Variants in SLC14A2 observed in about 807,000 individuals in gnomAD.
SLC14A2 encodes the protein solute carrier family 14 member 2.
A neutral mutation model predicts 104.6 loss-of-function variants in SLC14A2; 91 were observed. The observed-to-expected ratio is 0.87, with a 90% CI of 0.73 to 1.04. SLC14A2 has a LOEUF of 1.04. Ranked by LOEUF, SLC14A2 falls within the 50% of genes least tolerant of loss-of-function variation. The pLI, the probability that SLC14A2 is intolerant of heterozygous loss-of-function variation, is 0.00. For missense variants in SLC14A2, 1,189 were observed against 1,156.0 expected (o/e 1.03, Z -0.41); for synonymous variants, 476 against 466.4 (o/e 1.02, Z -0.27).
At chr18:45,567,660 T>C (rs7242419) in intron 2 of SLC14A2, among the ~76,000 whole-genome samples, 6,123 of 152,192 alleles carry the variant, frequency 0.04, 448 homozygotes, top group African/African-American at 0.14. Flanking sequence ...CTCCTGGTCT[T>C]TAGCTGTCCT....
At chr18:45,678,179 A>G (rs1193698973) in intron 18 of SLC14A2, among the ~76,000 whole-genome samples, 1 of 152,128 alleles carries the variant, frequency 6.6e-6, no homozygotes, top group Non-Finnish European at 1.5e-5. Context: ...CCAAAACAAA[A>G]GGGGCTTCTC....
chr18:45,609,755 G>A (rs1270277488), intron 2 of SLC14A2, among the ~76,000 whole-genome samples: 1 of 152,162 alleles, frequency 6.6e-6, no homozygotes. Context: ...ATTTCCAAAA[G>A]TGATACACTT....
the SLC14A2 span, chr18:45,181,182 G>A: frequency 6.6e-6 from 1 of 152,366 alleles, no homozygotes; most frequent in African/African-American, 2.4e-5. Flanking sequence ...TCCTCCACAG[G>A]ACTTGCACAC....
intron 1 of SLC14A2, among the ~76,000 whole-genome samples, chr18:45,325,928 C>T (rs2085230086): frequency 6.6e-6 from 1 of 152,144 alleles, no homozygotes; most frequent in Non-Finnish European, 1.5e-5. Flanking sequence ...GGCATAAATA[C>T]TTTTTAGAGA....
At chr18:45,586,308 G>A (rs537801364) in intron 2 of SLC14A2, among the ~76,000 whole-genome samples, 58 of 152,288 alleles carry the variant, frequency 3.8e-4, no homozygotes, top group South Asian at 1.7e-3. Context: ...GCAGCAGTGC[G>A]CCTGCCTTGT....
intron 1 of SLC14A2, among the ~76,000 whole-genome samples, chr18:45,386,258 C>A (rs1016609196): frequency 6.6e-6 from 1 of 152,104 alleles, no homozygotes; most frequent in Admixed American, 6.5e-5. Flanking sequence ...GCTTTAAAAC[C>A]CAAACTGAAG....
chr18:45,595,662 A>G (rs530851391), intron 2 of SLC14A2, among the ~76,000 whole-genome samples: 46 of 152,118 alleles, frequency 3.0e-4, no homozygotes, highest in Non-Finnish European at 6.3e-4. Flanking sequence ...AACAGCAAAG[A>G]CTGTAATGCC....
intron 1 of SLC14A2, among the ~76,000 whole-genome samples, chr18:45,271,750 A>C (rs893312207): frequency 2.0e-5 from 3 of 152,186 alleles, no homozygotes; most frequent in African/African-American, 7.2e-5. Flanking sequence ...ATTCAATGCA[A>C]TCCCTATCAA....
chr18:45,477,840 A>G (rs11875765), intron 1 of SLC14A2, among the ~76,000 whole-genome samples: 7,368 of 152,018 alleles, frequency 0.048, 209 homozygotes, highest in African/African-American at 0.075. Flanking sequence ...ACCCCAACCA[A>G]CCTCGAGCAT....
chr18:45,288,845 G>A (rs2084841518), intron 1 of SLC14A2, among the ~76,000 whole-genome samples: 1 of 152,188 alleles, frequency 6.6e-6, no homozygotes, highest in Admixed American at 6.5e-5. Flanking sequence ...ATGGAGACAG[G>A]GCTAGAGGTG....
intron 2 of SLC14A2, among the ~76,000 whole-genome samples, chr18:45,540,882 GC>G (rs1273862002): frequency 6.6e-6 from 1 of 152,124 alleles, no homozygotes; most frequent in Non-Finnish European, 1.5e-5. Flanking sequence ...ATGAAGTCTT[GC>G]CCTCGCCCTT....
rs550158152 is a variant in SLC14A2, at chr18:45,682,709, T to A, written c.*190T>A. The A allele has an allele frequency of 1.7e-6, 1 of 594,400 alleles. No individual in the cohort carries two copies. Among genetic ancestry groups the A allele is most frequent in the East Asian group, 2.9e-5 (1 of 34,894 alleles). 36.8% of individuals were successfully genotyped at this position (594,400 alleles called of 1,614,324 possible). ...AGATGCACAACACTTATCAAAGATA[T>A]GTTTAGTTTAGACTTTATACCCTTA... On this transcript the variant is annotated 3_prime_UTR_variant, in exon 20 of 20. Transcript: ENST00000255226.
At chr18:45,556,733 A>G (rs1484285061) in intron 2 of SLC14A2, among the ~76,000 whole-genome samples, 1 of 152,214 alleles carries the variant, frequency 6.6e-6, no homozygotes, top group African/African-American at 2.4e-5. Flanking sequence ...TCTACCTATG[A>G]CATTGTATGC....
At chr18:45,350,623 A>T (rs1206047251) in intron 1 of SLC14A2, among the ~76,000 whole-genome samples, 1 of 152,198 alleles carries the variant, frequency 6.6e-6, no homozygotes, top group African/African-American at 2.4e-5. Flanking sequence ...GCTTCTCGGG[A>T]TGCGGTAATG....
chr18:45,229,005 G>T lies in SLC14A2; in HGVS notation c.-125+15814G>T, dbSNP rs138571066. Among the ~76,000 whole-genome samples the T allele has an allele frequency of 1.1e-3, 175 of 152,280 alleles. 1 individual carries two copies. Among genetic ancestry groups the T allele is most frequent in the Middle Eastern group, 6.8e-3 (2 of 294 alleles). On this transcript the variant is annotated intron_variant, in intron 1 of 20. Coordinates refer to the SLC14A2 transcript ENST00000586448. ...ATCTGTCGCAGAAATCCTGGAAACTGCCCAAATCTGGTATCCAAAGGCCCT... is the reference window on the plus strand; with the variant it reads ...ATCTGTCGCAGAAATCCTGGAAACTTCCCAAATCTGGTATCCAAAGGCCCT...
chr18:45,276,683 G>A (rs956752067), intron 1 of SLC14A2, among the ~76,000 whole-genome samples: 1 of 152,210 alleles, frequency 6.6e-6, no homozygotes, highest in African/African-American at 2.4e-5. Context: ...AAAGTAAATT[G>A]TATTCCTAAG....
chr18:45,275,024 C>T (rs1192422441), intron 1 of SLC14A2, among the ~76,000 whole-genome samples: 2 of 151,998 alleles, frequency 1.3e-5, no homozygotes, highest in African/African-American at 4.8e-5. Flanking sequence ...TTCCTTTTTC[C>T]AATTTATGAT....
chr18:45,484,051 C>A (rs185107464), intron 2 of SLC14A2, among the ~76,000 whole-genome samples: 1 of 152,276 alleles, frequency 6.6e-6, no homozygotes, highest in African/African-American at 2.4e-5. Context: ...ACTTTGATGG[C>A]TTAATAAAAT....
chr18:45,565,546 G>C (rs575174612), intron 2 of SLC14A2, among the ~76,000 whole-genome samples: 1 of 152,332 alleles, frequency 6.6e-6, no homozygotes, highest in South Asian at 2.1e-4. Context: ...AAATGGGCTG[G>C]CGTCGTGGAT....
Sources: gnomAD v4.1 joint callset for allele counts (sites outside exome capture counted in the v4.1 genomes callset) on GRCh38, gnomAD v4.1.1 for gene constraint, MANE v1.5 for transcripts, NCBI Gene and HGNC (gene_info 2026-07-23, HGNC 2026-07-21) for gene names.